BPIFB4: variants seen among roughly 807,000 people sequenced by gnomAD.
BPIFB4 encodes BPI fold containing family B member 4.
BPIFB4 carries 62 observed loss-of-function variants against 69.2 expected under a neutral mutation model. The ratio of observed to expected loss-of-function variants is 0.90; its 90% confidence interval spans 0.73 to 1.11. The LOEUF (loss-of-function observed/expected upper bound fraction) is 1.11, where lower values mean the gene tolerates loss of function less well. BPIFB4 is among the 50% of genes least tolerant of loss of function. BPIFB4 has a pLI of 0.00. For synonymous variants in BPIFB4, 330 were observed against 332.7 expected, an observed-to-expected ratio of 0.99 and a Z score of 0.09; for missense variants, 789 against 792.0, an observed-to-expected ratio of 1.00 and a Z score of 0.04.
chr20:33,081,346 G>A (rs1472189323), intron 2 of BPIFB4, among the ~76,000 whole-genome samples, 166 bp from the exon 3 acceptor site: 1 of 152,240 alleles, frequency 6.6e-6, no homozygotes, highest in Non-Finnish European at 1.5e-5. Context: ...TCAAAAGGTA[G>A]TATCTGGAAT....
chr20:33,111,609 A>G lies in BPIFB4; in HGVS notation c.*172A>G. The G allele has an allele frequency of 1.3e-6, 1 of 747,764 alleles. No individual in the cohort carries two copies. The highest frequency in any genetic ancestry group is 1.7e-5 in the African/African-American group (1 of 57,254). The allele number at this position is 747,764 out of a possible 1,614,324, so 46.3% of individuals were successfully genotyped here. On this transcript the variant is annotated 3_prime_UTR_variant, in exon 18 of 18. Coordinates refer to ENST00000375483, the MANE Select transcript of BPIFB4 (RefSeq NM_182519.3). ...CCCAACCCTGAGAAAGGGTCCAGCC[A>G]CTACCCTGTTGGCAAACATTCCCTT...
Position 33,092,442 on chromosome 20 carries a change from T to A in BPIFB4, c.1144-16T>A, listed in dbSNP as rs746344980. 6.2e-7 allele frequency: 1 copy of A among 1,605,466 alleles called. No individual in the cohort carries two copies. The highest frequency in any genetic ancestry group is 1.7e-5 in the Admixed American group (1 of 59,870). ...CTTCTCCCTCCCTGTGACCCCTTTC[T>A]TCTCTTCTCCCCCAGACGCTGGTTG... is the stretch of plus-strand genomic sequence containing the variant. On this transcript the variant is annotated splice_polypyrimidine_tract_variant and intron_variant, in intron 10 of 17. Transcript: ENST00000375483.
rs1352277540 is a variant in BPIFB4 at position 33,103,004 on chromosome 20, G to A, written c.1670G>A (p.Gly557Asp). ...TSLNLRTSNV[G>D]NFDIGLMEVL... ...CTCAACCTCAGAACCTCAAACGTGG[G>A]CAACTTTGATGTAAGTACCATGTTT... The change falls in exon 15 of 18, where the codon GGC becomes GAC. Residue 557 changes from glycine (G) to aspartate (D), a missense_variant. By Grantham distance (94) the Gly-to-Asp change is moderately conservative. Transcript: ENST00000375483. 6.2e-7 allele frequency: 1 copy of A among 1,614,060 alleles called. No individual in the cohort carries two copies. The highest frequency in any genetic ancestry group is 8.5e-7 in the Non-Finnish European group (1 of 1,179,926).
At chr20:33,103,114 G>T in intron 15 of BPIFB4, 100 bp downstream of exon 15, 1 of 1,382,140 alleles carries the variant, frequency 7.2e-7, no homozygotes, top group South Asian at 1.2e-5. Flanking sequence ...TGGGCATGGG[G>T]AGTTTGTGAA....
At chr20:33,084,048 C>T (rs1249602585) in intron 5 of BPIFB4, among the ~76,000 whole-genome samples, 174 bp downstream of exon 5, 1 of 152,124 alleles carries the variant, frequency 6.6e-6, no homozygotes, top group African/African-American at 2.4e-5. Flanking sequence ...TGGGTCTTGG[C>T]ATGAAACAGT....
Position 33,107,201 on chromosome 20 carries a change from TA to T in BPIFB4, c.1745-532del, listed in dbSNP as rs1040239751. Among the ~76,000 whole-genome samples the T allele has an allele frequency of 6.0e-4, 81 of 135,768 alleles. 1 individual carries two copies. The highest frequency in any genetic ancestry group is 1.9e-3 in the African/African-American group (67 of 35,584). 89.1% of individuals were successfully genotyped at this position (135,768 alleles called of 152,430 possible). The stretch of plus-strand genomic sequence containing the variant: ...CTGGGGCAACAGAGCAAGACTCAGT[TA>T]AAAAAAAAAATGAAAGAAAGAAGGA... On this transcript the variant is annotated intron_variant, in intron 16 of 17. Coordinates refer to ENST00000375483, the MANE Select transcript of BPIFB4 (RefSeq NM_182519.3).
chr20:33,099,029 A>C, intron 13 of BPIFB4, among the ~76,000 whole-genome samples: 1 of 149,878 alleles, frequency 6.7e-6, no homozygotes, highest in Non-Finnish European at 1.5e-5. Flanking sequence ...CTCTGTGGTG[A>C]GACCCTAGGC....
At chr20:33,092,370 A>C in intron 10 of BPIFB4, 88 bp from the exon 11 acceptor site, 1 of 1,264,498 alleles carries the variant, frequency 7.9e-7, no homozygotes, top group Non-Finnish European at 1.1e-6. Flanking sequence ...GGCTGCCTGG[A>C]GGCAGATTCA....
chr20:33,085,055 A>G (rs1045020016), intron 6 of BPIFB4, 59 bp downstream of exon 6: 160 of 1,571,032 alleles, frequency 1.0e-4, no homozygotes, highest in Non-Finnish European at 1.3e-4. Flanking sequence ...CTCTGTATCC[A>G]TAACACAGAG....
At chr20:33,110,413 C>G (rs1363602655) in intron 17 of BPIFB4, among the ~76,000 whole-genome samples, 1 of 152,198 alleles carries the variant, frequency 6.6e-6, no homozygotes, top group Non-Finnish European at 1.5e-5. Flanking sequence ...TGACTTATTC[C>G]TGGAGGTGTT....
chr20:33,083,636 C>A lies in BPIFB4; in HGVS notation c.439C>A (p.Leu147Ile), dbSNP rs2146402486. ...GRYRAAPVGR[L>I]HRRELQPGEI... is the part of the protein sequence containing the mutation. ...ATACAGGGCAGCACCTGTGGGCAGGCTTCACCGGCGAGAGCTGCAGCCTGG... is the reference window on the plus strand; with the variant it reads ...ATACAGGGCAGCACCTGTGGGCAGGATTCACCGGCGAGAGCTGCAGCCTGG... The change falls in exon 5 of 18, where the codon CTT becomes ATT. Residue 147 changes from leucine to isoleucine, a missense_variant. Coordinates refer to ENST00000375483, the MANE Select transcript of BPIFB4 (RefSeq NM_182519.3). 6.2e-7 allele frequency: 1 copy of A among 1,614,068 alleles called. No homozygotes were observed. Among genetic ancestry groups the A allele is most frequent in the East Asian group, 2.2e-5 (1 of 44,856 alleles).
Position 33,081,532 on chromosome 20 carries a change from G to A in BPIFB4, c.6G>A (p.Trp2Ter). The change falls in exon 3 of 18, where the codon TGG becomes TGA. Residue 2 changes from tryptophan (W) to a stop codon, truncating the protein, a stop_gained. Coordinates refer to ENST00000375483, the MANE Select transcript of BPIFB4 (RefSeq NM_182519.3). LOFTEE classifies it high-confidence loss of function. M[W>*]MAWCVAALSV... is the part of the protein sequence containing the mutation. ...CACAGGGAAGCAGTGCCAGCATGTG[G>A]ATGGCCTGGTGTGTGGCTGCGCTGT... 1.3e-6 allele frequency: 2 copies of A among 1,551,684 alleles called. No individual in the cohort carries two copies. Among genetic ancestry groups the A allele is most frequent in the South Asian group, 1.2e-5 (1 of 84,060 alleles).
At chr20:33,085,992 G>T (rs373989737) in intron 6 of BPIFB4, 29 bp from the exon 7 acceptor site, 206 of 1,588,196 alleles carry the variant, frequency 1.3e-4, no homozygotes, top group Non-Finnish European at 1.7e-4. Context: ...GGTGACTCAT[G>T]GTCTCCCTGG....
chr20:33,110,361 G>A (rs558072881), intron 17 of BPIFB4, among the ~76,000 whole-genome samples: 110 of 152,296 alleles, frequency 7.2e-4, no homozygotes, highest in African/African-American at 2.3e-3. Flanking sequence ...CAGAAGTGAC[G>A]CAGTCCCCAG....
At chr20:33,110,382 C>G (rs1488631847) in intron 17 of BPIFB4, among the ~76,000 whole-genome samples, 1 of 152,246 alleles carries the variant, frequency 6.6e-6, no homozygotes, top group Non-Finnish European at 1.5e-5. Flanking sequence ...TGCATCCTTT[C>G]AGGGGATACC....
intron 10 of BPIFB4, among the ~76,000 whole-genome samples, chr20:33,092,246 T>C (rs889585062): frequency 3.3e-5 from 5 of 152,126 alleles, no homozygotes; most frequent in African/African-American, 1.2e-4. Context: ...ATGGCTGTAA[T>C]TGTAAGTGAC....
At chr20:33,106,713 T>G (rs1414597638) in intron 16 of BPIFB4, among the ~76,000 whole-genome samples, 1 of 152,156 alleles carries the variant, frequency 6.6e-6, no homozygotes, top group Non-Finnish European at 1.5e-5. Context: ...TAATATTTTA[T>G]GGTTTCTCTA....
intron 5 of BPIFB4, among the ~76,000 whole-genome samples, chr20:33,084,475 C>T (rs1452105584): frequency 6.6e-6 from 1 of 152,174 alleles, no homozygotes; most frequent in African/African-American, 2.4e-5. Flanking sequence ...AACGGGGCAG[C>T]TCACCTACCT....
At chr20:33,099,546 C>T (rs1214761137) in intron 13 of BPIFB4, among the ~76,000 whole-genome samples, 5 of 152,182 alleles carry the variant, frequency 3.3e-5, no homozygotes, top group East Asian at 1.9e-4. Flanking sequence ...TGCAGCCTCA[C>T]GAACCCTTTT....
Sources: gnomAD v4.1 joint callset for allele counts (sites outside exome capture counted in the v4.1 genomes callset) on GRCh38, gnomAD v4.1.1 for gene constraint, MANE v1.5 for transcripts, NCBI Gene and HGNC (gene_info 2026-07-23, HGNC 2026-07-21) for gene names.